Variants in NTM observed in about 807,000 individuals in gnomAD.
The protein encoded by NTM is IgLON family member 2.
A neutral mutation model predicts 42.1 loss-of-function variants in NTM; 13 were observed. The ratio of observed to expected loss-of-function variants is 0.31; its 90% CI spans 0.20 to 0.49. NTM has a LOEUF of 0.49. NTM is among the 20% of genes least tolerant of loss of function. The pLI is 0.99. For missense variants in NTM, 373 were observed against 452.8 expected, an observed-to-expected ratio of 0.82 and a Z score of 1.60; for synonymous variants, 187 against 179.2, an observed-to-expected ratio of 1.04 and a Z score of -0.35.
intron 1 of NTM, among the ~76,000 whole-genome samples, chr11:131,894,447 T>C (rs1311142594): frequency 6.6e-6 from 1 of 152,164 alleles, no homozygotes; most frequent in African/African-American, 2.4e-5. Context: ...TGTGGTAAAC[T>C]ATGTGTATGG....
At chr11:132,151,011 T>A (rs751605344) in intron 3 of NTM, among the ~76,000 whole-genome samples, 1 of 152,184 alleles carries the variant, frequency 6.6e-6, no homozygotes, top group African/African-American at 2.4e-5. Context: ...TAGGGGAGAT[T>A]CATCTAAAAT....
chr11:131,607,891 T>G (rs1250305538), intron 1 of NTM, among the ~76,000 whole-genome samples: 7 of 40,064 alleles, frequency 1.7e-4, no homozygotes, highest in Admixed American at 1.3e-3. Context: ...TTTTTTGTGT[T>G]TTTTTTTTGT....
intron 1 of NTM, among the ~76,000 whole-genome samples, chr11:131,651,881 A>T (rs1042798860): frequency 6.6e-6 from 1 of 151,718 alleles, no homozygotes; most frequent in African/African-American, 2.4e-5. Flanking sequence ...AATATCATAA[A>T]AAGCAAAATG....
chr11:131,791,469 T>C (rs1247994104), intron 1 of NTM, among the ~76,000 whole-genome samples: 1 of 152,202 alleles, frequency 6.6e-6, no homozygotes, highest in African/African-American at 2.4e-5. Flanking sequence ...ATCACGGATG[T>C]ACAACTTATA....
chr11:131,682,338 A>C (rs1289779249), intron 1 of NTM, among the ~76,000 whole-genome samples: 1 of 152,192 alleles, frequency 6.6e-6, no homozygotes, highest in Non-Finnish European at 1.5e-5. Context: ...CTCTGTACAA[A>C]AACAGCAGCT....
chr11:131,833,957 A>G (rs755368633), intron 1 of NTM, among the ~76,000 whole-genome samples: 1 of 152,088 alleles, frequency 6.6e-6, no homozygotes, highest in African/African-American at 2.4e-5. Context: ...TCCCCACCCT[A>G]TGGTATTCTC....
At chr11:132,239,296 C>A (rs1334882777) in intron 4 of NTM, among the ~76,000 whole-genome samples, 1 of 152,224 alleles carries the variant, frequency 6.6e-6, no homozygotes, top group Non-Finnish European at 1.5e-5. Flanking sequence ...TGCTATGCCA[C>A]TGGTGAGTTT....
chr11:131,710,599 T>C (rs1442233382), intron 1 of NTM, among the ~76,000 whole-genome samples: 1 of 152,034 alleles, frequency 6.6e-6, no homozygotes, highest in African/African-American at 2.4e-5. Flanking sequence ...ACTAATGGAG[T>C]GGTTTTCAAA....
intron 1 of NTM, among the ~76,000 whole-genome samples, chr11:131,720,747 A>G (rs921654433): frequency 1.2e-4 from 18 of 152,126 alleles, no homozygotes; most frequent in Non-Finnish European, 2.4e-4. Flanking sequence ...ACAACTTCCA[A>G]CTGTGAAACA....
At chr11:131,861,234 T>C (rs769633914) in intron 1 of NTM, among the ~76,000 whole-genome samples, 7 of 152,152 alleles carry the variant, frequency 4.6e-5, no homozygotes, top group Non-Finnish European at 2.9e-5. Context: ...AAAATATTAA[T>C]AAAAAGAAGG....
chr11:132,093,622 TTCTC>T (rs1430690114), intron 2 of NTM, among the ~76,000 whole-genome samples: 2 of 152,184 alleles, frequency 1.3e-5, no homozygotes, highest in Non-Finnish European at 2.9e-5. Flanking sequence ...TACCCTGAAA[TTCTC>T]TATCAGAGCA....
intron 1 of NTM, among the ~76,000 whole-genome samples, chr11:131,652,676 T>C (rs750432775): frequency 1.8e-4 from 27 of 152,150 alleles, no homozygotes; most frequent in Admixed American, 5.2e-4. Flanking sequence ...AGCATCTGGA[T>C]TGTGACTGGT....
At chr11:132,047,007 C>T (rs2078112758) in intron 2 of NTM, among the ~76,000 whole-genome samples, 1 of 152,168 alleles carries the variant, frequency 6.6e-6, no homozygotes, top group South Asian at 2.1e-4. Context: ...AAGTTAATCT[C>T]CGTTTTACCC....
intron 3 of NTM, among the ~76,000 whole-genome samples, chr11:132,192,332 CA>C: frequency 6.6e-6 from 1 of 152,246 alleles, no homozygotes; most frequent in Admixed American, 6.5e-5. Context: ...AGAAAACAAA[CA>C]AGCCAAAAGA....
intron 1 of NTM, among the ~76,000 whole-genome samples, chr11:131,785,442 C>A (rs914160679): frequency 6.6e-6 from 1 of 152,160 alleles, no homozygotes; most frequent in African/African-American, 2.4e-5. Context: ...AAAGCTAATT[C>A]TACAATTGGA....
Position 131,711,180 on chromosome 11 carries a change from A to T in NTM, c.83-200384A>T, listed in dbSNP as rs142355270. The stretch of plus-strand genomic sequence containing the variant: ...CTGCACCGCAAAAGAAACTACCATC[A>T]GAGTGAACAGGCAACCTACAAAATC... On this transcript the variant is annotated intron_variant, in intron 1 of 8. Coordinates refer to ENST00000683400, the MANE Select transcript of NTM (RefSeq NM_001352005.2). Among the ~76,000 whole-genome samples the T allele has an allele frequency of 8.9e-3, 1,355 of 152,348 alleles. 24 individuals carry two copies. The highest frequency in any genetic ancestry group is 0.027 in the African/African-American group (1,109 of 41,578).
At chr11:132,319,868 A>C (rs2095520449) in intron 7 of NTM, among the ~76,000 whole-genome samples, 1 of 152,192 alleles carries the variant, frequency 6.6e-6, no homozygotes, top group Admixed American at 6.5e-5. Context: ...GGCACCCCCC[A>C]GTAGGGGCAG....
intron 1 of NTM, among the ~76,000 whole-genome samples, chr11:131,762,072 C>T (rs557951109): frequency 6.6e-6 from 1 of 152,252 alleles, no homozygotes; most frequent in Admixed American, 6.5e-5. Flanking sequence ...TGAAGCCAAC[C>T]TGTGGTTGGC....
At chr11:131,483,725 G>T (rs1395943871) in intron 1 of NTM, among the ~76,000 whole-genome samples, 1 of 152,220 alleles carries the variant, frequency 6.6e-6, no homozygotes, top group African/African-American at 2.4e-5. Flanking sequence ...GTTTCACCCT[G>T]CGTGAAAGCC....
Sources: gnomAD v4.1 joint callset for allele counts (sites outside exome capture counted in the v4.1 genomes callset) on GRCh38, gnomAD v4.1.1 for gene constraint, MANE v1.5 for transcripts, NCBI Gene and HGNC (gene_info 2026-07-23, HGNC 2026-07-21) for gene names.